The following TEX264 variants were observed in gnomAD, a reference collection of about 807,000 sequenced individuals.
TEX264 encodes the protein testis expressed 264, ER-phagy receptor, also known as testis-expressed protein 264.
A neutral mutation model predicts 23.4 loss-of-function variants in TEX264; 13 were observed. The observed-to-expected ratio is 0.56, with a 90% CI of 0.36 to 0.88. The LOEUF (loss-of-function observed/expected upper bound fraction) is 0.88, where lower values mean the gene tolerates loss of function less well. Among genes scored for constraint, TEX264 ranks in the 40% least tolerant of loss-of-function variants. The pLI is 0.01. For synonymous variants in TEX264, 159 were observed against 170.0 expected (o/e 0.94, Z 0.50); for missense variants, 340 against 406.8 (o/e 0.84, Z 1.41).
intron 2 of TEX264, among the ~76,000 whole-genome samples, chr3:51,678,459 T>TTA (rs1374982714): frequency 1.3e-5 from 2 of 152,206 alleles, no homozygotes; most frequent in African/African-American, 4.8e-5. Flanking sequence ...GCCTGCTTGC[T>TTA]TATATGGGGA....
intron 3 of TEX264, among the ~76,000 whole-genome samples, chr3:51,694,070 C>CCCTTCCTTCCTT (rs60975812): frequency 9.8e-6 from 1 of 102,450 alleles, no homozygotes; most frequent in Admixed American, 1.0e-4. Flanking sequence ...CCTTCCCTTC[C>CCCTTCCTTCCTT]CCTTCCTTCC....
At chr3:51,695,960 G>A (rs1245512418) in intron 3 of TEX264, among the ~76,000 whole-genome samples, 1 of 152,146 alleles carries the variant, frequency 6.6e-6, no homozygotes, top group Non-Finnish European at 1.5e-5. Context: ...GGGAGGGAAG[G>A]CCCGGAGGTG....
chr3:51,692,682 G>A (rs1473517944), intron 3 of TEX264, among the ~76,000 whole-genome samples: 1 of 152,230 alleles, frequency 6.6e-6, no homozygotes, highest in Non-Finnish European at 1.5e-5. Flanking sequence ...AGGGCTCAAG[G>A]TCCTTGACTA....
intron 2 of TEX264, among the ~76,000 whole-genome samples, chr3:51,674,867 C>T (rs1702180279): frequency 6.6e-6 from 1 of 152,232 alleles, no homozygotes; most frequent in Admixed American, 6.5e-5. Context: ...TGGTCCCCTG[C>T]CTCCTCTTCT....
In TEX264 at chr3:51,674,359, C is replaced by G. The variant is rs1399195733; in HGVS notation, c.55C>G (p.Leu19Val). 1.2e-6 allele frequency: 2 copies of G among 1,614,250 alleles called. No homozygotes were observed. Among genetic ancestry groups the G allele is most frequent in the Middle Eastern group, 1.6e-4 (1 of 6,062 alleles). ...TGGGGGCCTGACTCTCTTACTGCTG[C>G]TGACGCTGCTGGCCTTTGCCGGGTA... ...LIGGLTLLLLLTLLAFAGYSG... is the reference protein window; with the variant it reads ...LIGGLTLLLLVTLLAFAGYSG... The change falls in exon 2 of 5, where the codon CTG (leucine) becomes GTG (valine). Residue 19 changes from leucine to valine, a missense_variant. Leu to Val is a conservative substitution (Grantham distance 32). Coordinates refer to ENST00000341333, the MANE Select transcript of TEX264 (RefSeq NM_015926.6).
chr3:51,694,136 C>CTTCCTTCT (rs1281271992), intron 3 of TEX264, among the ~76,000 whole-genome samples: 1 of 128,654 alleles, frequency 7.8e-6, no homozygotes, highest in Non-Finnish European at 1.7e-5. Context: ...TCCTTCCTTC[C>CTTCCTTCT]TTCCTTCTTT....
At chr3:51,675,366 GC>G (rs1368003274) in intron 2 of TEX264, among the ~76,000 whole-genome samples, 1 of 152,198 alleles carries the variant, frequency 6.6e-6, no homozygotes, top group East Asian at 1.9e-4. Flanking sequence ...ACTAAGCCAT[GC>G]CAAACCAAGC....
chr3:51,687,313 G>A (rs1359508049), intron 3 of TEX264, among the ~76,000 whole-genome samples: 1 of 152,210 alleles, frequency 6.6e-6, no homozygotes, highest in Non-Finnish European at 1.5e-5. Flanking sequence ...GGGGAACAAA[G>A]CCAGGGGAGA....
Position 51,699,301 on chromosome 3 carries a change from G to A in TEX264, c.481-105G>A, listed in dbSNP as rs1166825651. On this transcript the variant is annotated intron_variant, in intron 3 of 4. Coordinates refer to ENST00000341333, the MANE Select transcript of TEX264 (RefSeq NM_015926.6). ...TGGAAGAGGTTGAGAGGCAGAGCCA[G>A]CCCCTGGGACAGAATAGGTAATAGA... 13 of 1,240,942 alleles carry A rather than the reference G, an allele frequency of 1.0e-5. No individual in the cohort carries two copies. In the East Asian group the frequency reaches 2.6e-4, roughly 25 times the overall value. The allele number at this position is 1,240,942 out of a possible 1,614,324, so 76.9% of individuals were successfully genotyped here.
rs1349813107 is a variant in TEX264, at chr3:51,686,210, G to T, written c.480+1576G>T. Reference sequence around the variant, plus strand: ...AGTATTTGACCTGGGAGGCTGCCCTGTGCCTCCCTGCCTCTGTGGGACCAG... The same window carrying T: ...AGTATTTGACCTGGGAGGCTGCCCTTTGCCTCCCTGCCTCTGTGGGACCAG... On this transcript the variant is annotated intron_variant, in intron 3 of 4. Transcript: ENST00000341333. This position sits in a 1 kb window ranked among gnomAD's most constrained non-coding sequence, Gnocchi z 4.1. 6.6e-6 allele frequency among the ~76,000 whole-genome samples: 1 copy of T among 152,204 alleles called. No homozygotes were observed. Among genetic ancestry groups the T allele is most frequent in the East Asian group, 1.9e-4 (1 of 5,192 alleles).
intron 3 of TEX264, among the ~76,000 whole-genome samples, chr3:51,695,880 C>G (rs1366597316): frequency 1.3e-5 from 2 of 152,048 alleles, no homozygotes; most frequent in Non-Finnish European, 2.9e-5. Flanking sequence ...TCTGGGGTCT[C>G]TTAGAAATTC....
At chr3:51,678,387 A>G (rs996567068) in intron 2 of TEX264, among the ~76,000 whole-genome samples, 8 of 151,764 alleles carry the variant, frequency 5.3e-5, no homozygotes, top group Admixed American at 2.6e-4. Flanking sequence ...CTGGCTCTCT[A>G]CCTCCTGCCC....
intron 4 of TEX264, among the ~76,000 whole-genome samples, chr3:51,700,016 C>T (rs1043951912): frequency 2.6e-5 from 4 of 152,082 alleles, no homozygotes; most frequent in Non-Finnish European, 5.9e-5. Context: ...TCAGTACGGG[C>T]CCCACCCAGA....
At position 51,703,914 on chromosome 3, in the gene TEX264, C is replaced by T. The variant is rs750688719; in HGVS notation, c.840C>T (p.Gly280=). The T allele has an allele frequency of 3.7e-6, 6 of 1,609,146 alleles. No individual in the cohort carries two copies. Among genetic ancestry groups the T allele is most frequent in the Middle Eastern group, 1.7e-4 (1 of 5,968 alleles). ...GSSFEELDLE[G]EGPLGESRLD... Reference sequence around the variant, plus strand: ...CTTTTGAGGAGCTGGACTTGGAGGGCGAGGGGCCCTTAGGGGAGTCACGGC... The same window carrying T: ...CTTTTGAGGAGCTGGACTTGGAGGGTGAGGGGCCCTTAGGGGAGTCACGGC... The change falls in exon 5 of 5, where the codon GGC becomes GGT. Residue 280 remains glycine, a synonymous_variant. Transcript: ENST00000341333. This position sits in a 1 kb window ranked among gnomAD's most constrained non-coding sequence, Gnocchi z 4.8.
chr3:51,687,271 C>T (rs563517172), intron 3 of TEX264, among the ~76,000 whole-genome samples: 1 of 152,346 alleles, frequency 6.6e-6, no homozygotes, highest in Admixed American at 6.5e-5. Flanking sequence ...GGGGTTGCCT[C>T]TGCCCCTGTG....
At position 51,704,240 on chromosome 3, in the gene TEX264, A is replaced by T. The variant is rs4067; in HGVS notation, c.*224A>T. The T allele has an allele frequency of 2.5e-6, 1 of 392,782 alleles. No individual in the cohort carries two copies. The allele number at this position is 392,782 out of a possible 1,614,324, so 24.3% of individuals were successfully genotyped here. On this transcript the variant is annotated 3_prime_UTR_variant, in exon 5 of 5. Coordinates refer to ENST00000341333, the MANE Select transcript of TEX264 (RefSeq NM_015926.6). ...TTCTGCACCAGCCCCCAGGGCTGCC[A>T]CCCCTGTTGTGTCTTTTTTTCAGAC...
intron 4 of TEX264, among the ~76,000 whole-genome samples, chr3:51,702,834 C>T (rs1409718425): frequency 6.6e-6 from 1 of 152,206 alleles, no homozygotes; most frequent in Non-Finnish European, 1.5e-5. Flanking sequence ...GATGAAGGGG[C>T]TGCTTGCTTG....
At chr3:51,696,516 A>G (rs987664053) in intron 3 of TEX264, among the ~76,000 whole-genome samples, 1 of 152,156 alleles carries the variant, frequency 6.6e-6, no homozygotes, top group African/African-American at 2.4e-5. Flanking sequence ...CTTCCCTCCG[A>G]GGTTGCACCT....
chr3:51,687,593 G>A (rs973174900), intron 3 of TEX264, among the ~76,000 whole-genome samples: 6 of 152,220 alleles, frequency 3.9e-5, no homozygotes, highest in Admixed American at 6.5e-5. Context: ...CTGCTGTGAA[G>A]GCTCTTCAAA....
Sources: allele counts gnomAD v4.1 joint callset (sites outside exome capture counted in the v4.1 genomes callset), GRCh38; gene constraint gnomAD v4.1.1; non-coding constraint Gnocchi (gnomAD v3.1); transcripts MANE v1.5; gene names NCBI Gene and HGNC (gene_info 2026-07-23, HGNC 2026-07-21).